TRIO: variants seen among roughly 807,000 people sequenced by gnomAD.
TRIO encodes the protein trio Rho guanine nucleotide exchange factor.
A neutral mutation model predicts 351.9 loss-of-function variants in TRIO; 58 were observed. The ratio of observed to expected loss-of-function variants is 0.16; its 90% CI spans 0.13 to 0.21. The LOEUF is 0.21. TRIO is among the 10% of genes least tolerant of loss of function. The pLI, the probability that TRIO is intolerant of heterozygous loss-of-function variation, is 1.00. For synonymous variants in TRIO, 1,758 were observed against 1,595.7 expected (o/e 1.10, Z -2.42); for missense variants, 3,201 against 4,027.8 (o/e 0.79, Z 5.56).
At chr5:14,350,872 G>A (rs1743021257) in intron 11 of TRIO, among the ~76,000 whole-genome samples, 1 of 152,108 alleles carries the variant, frequency 6.6e-6, no homozygotes. Context: ...CGGTGTTGGT[G>A]GGGGCAGGGA....
intron 21 of TRIO, among the ~76,000 whole-genome samples, chr5:14,383,929 A>G (rs544696667): frequency 1.3e-5 from 2 of 152,300 alleles, no homozygotes; most frequent in East Asian, 1.9e-4. Context: ...ACTTGTTACA[A>G]TGTTATAACA....
At chr5:14,172,775 CAT>C (rs1789176432) in intron 1 of TRIO, among the ~76,000 whole-genome samples, 2 of 152,306 alleles carry the variant, frequency 1.3e-5, no homozygotes, top group East Asian at 1.9e-4. Flanking sequence ...CTTTACGGAA[CAT>C]ATTTTTTGGA....
intron 9 of TRIO, among the ~76,000 whole-genome samples, chr5:14,323,083 C>T (rs1258024877): frequency 2.0e-5 from 3 of 152,096 alleles, no homozygotes; most frequent in African/African-American, 7.2e-5. Flanking sequence ...AGGGCTGGCT[C>T]CCTCCCACAC....
chr5:14,443,164 A>G (rs531716137), intron 34 of TRIO, among the ~76,000 whole-genome samples: 60 of 152,156 alleles, frequency 3.9e-4, no homozygotes, highest in African/African-American at 1.4e-3. Flanking sequence ...TAATTCTTAA[A>G]CTATTAAGAA....
intron 34 of TRIO, among the ~76,000 whole-genome samples, chr5:14,427,969 A>G (rs1750789402): frequency 1.3e-5 from 2 of 152,204 alleles, no homozygotes; most frequent in South Asian, 2.1e-4. Context: ...CTACCTTTGC[A>G]GAAGCCTCTG....
chr5:14,483,377 A>T lies in TRIO; in HGVS notation c.6657+604A>T, dbSNP rs529369932. 2.0e-5 allele frequency among the ~76,000 whole-genome samples: 3 copies of T among 152,290 alleles called. No individual in the cohort carries two copies. In the South Asian group the frequency reaches 6.2e-4, roughly 32 times the overall value. On this transcript the variant is annotated intron_variant, in intron 46 of 56. Transcript: ENST00000344204. ...GGTCCCAGCAGATGACTCCTGGGAGATACATGCCCCCGCCAGGGTCCTCCT... is the reference window on the plus strand; with the variant it reads ...GGTCCCAGCAGATGACTCCTGGGAGTTACATGCCCCCGCCAGGGTCCTCCT...
At chr5:14,304,660 G>GAA in intron 8 of TRIO, 68 bp downstream of exon 8, 11 of 1,427,132 alleles carry the variant, frequency 7.7e-6, no homozygotes, top group Admixed American at 2.4e-5. Context: ...CCGGAAGCTA[G>GAA]AAAAAAAAAA....
chr5:14,176,722 C>T (rs1485491534), intron 1 of TRIO, among the ~76,000 whole-genome samples: 2 of 152,140 alleles, frequency 1.3e-5, no homozygotes, highest in Non-Finnish European at 2.9e-5. Context: ...GGATTAGAGG[C>T]GGGAGCCACC....
intron 1 of TRIO, among the ~76,000 whole-genome samples, chr5:14,264,415 G>C (rs1361743788): frequency 6.6e-6 from 1 of 152,078 alleles, no homozygotes; most frequent in East Asian, 1.9e-4. Context: ...TTGTAATGCT[G>C]TATTATGAAA....
chr5:14,488,325 C>A (rs1467453504), intron 48 of TRIO, 65 bp downstream of exon 48: 6 of 1,502,286 alleles, frequency 4.0e-6, no homozygotes, highest in Non-Finnish European at 5.3e-6. Flanking sequence ...CTCTAAACGC[C>A]ACCGCGGCTG....
rs75978647 is a variant in TRIO, at chr5:14,413,983, A to G, written c.4960-5795A>G. Reference sequence around the variant, plus strand: ...TTAGATCTCAGATCATTGTCCCTCCATGAAAGACAAAAAGAGGTATTTCAA... The same window carrying G: ...TTAGATCTCAGATCATTGTCCCTCCGTGAAAGACAAAAAGAGGTATTTCAA... On this transcript the variant is annotated intron_variant, in intron 33 of 56. Transcript: ENST00000344204. 6.4e-3 allele frequency among the ~76,000 whole-genome samples: 970 copies of G among 152,330 alleles called. 7 individuals carry two copies. Among genetic ancestry groups the G allele is most frequent in the Admixed American group, 0.011 (163 of 15,304 alleles).
At chr5:14,412,207 C>T (rs369787837) in intron 33 of TRIO, among the ~76,000 whole-genome samples, 3 of 152,046 alleles carry the variant, frequency 2.0e-5, no homozygotes, top group African/African-American at 4.8e-5. Context: ...AGGCTGGTCT[C>T]GAACTCCTGA....
intron 31 of TRIO, among the ~76,000 whole-genome samples, chr5:14,403,351 T>TGTGGTG (rs574811627): frequency 4.2e-5 from 1 of 23,858 alleles, no homozygotes; most frequent in African/African-American, 2.7e-4. Context: ...GGGTGCAGCT[T>TGTGGTG]GTGAGGGTGC....
chr5:14,248,281 CA>C (rs1794550067), intron 1 of TRIO, among the ~76,000 whole-genome samples: 1 of 152,102 alleles, frequency 6.6e-6, no homozygotes, highest in Non-Finnish European at 1.5e-5. Flanking sequence ...TAAAAAATTA[CA>C]AATGGAATGT....
chr5:14,204,325 T>C (rs1429468328), intron 1 of TRIO, among the ~76,000 whole-genome samples: 1 of 152,158 alleles, frequency 6.6e-6, no homozygotes, highest in Non-Finnish European at 1.5e-5. Flanking sequence ...GCCAGCCTCA[T>C]GGATGCCAGA....
chr5:14,468,501 T>G (rs991292021), intron 37 of TRIO, among the ~76,000 whole-genome samples: 2 of 152,262 alleles, frequency 1.3e-5, no homozygotes, highest in African/African-American at 4.8e-5. Context: ...TCATCCCTTC[T>G]TCATTCTGCC....
rs555441245 is a variant in TRIO, at chr5:14,319,841, A to G, written c.1731+3098A>G. ...ACAGAGGGAGTTTGGTTTGTAAAAC[A>G]TGGTTAATTTTGGTTTCGAGGTTAA... On this transcript the variant is annotated intron_variant, in intron 9 of 56. Transcript: ENST00000344204. Among the ~76,000 whole-genome samples, 5 of 152,310 alleles carry G rather than the reference A, an allele frequency of 3.3e-5. No homozygotes were observed. The South Asian group carries it at 1.0e-3, about 32-fold the overall frequency.
At chr5:14,413,345 CT>C (rs1295046159) in intron 33 of TRIO, among the ~76,000 whole-genome samples, 1 of 152,226 alleles carries the variant, frequency 6.6e-6, no homozygotes, top group Non-Finnish European at 1.5e-5. Context: ...GCTGTTCCGT[CT>C]TTCATCCTAG....
chr5:14,314,049 A>T (rs165084), intron 8 of TRIO, among the ~76,000 whole-genome samples: 6,888 of 152,280 alleles, frequency 0.045, 550 homozygotes, highest in African/African-American at 0.16. Flanking sequence ...TCCAACAGTA[A>T]TGCAAGGAGT....
Sources: gnomAD v4.1 joint callset for allele counts (sites outside exome capture counted in the v4.1 genomes callset) on GRCh38, gnomAD v4.1.1 for gene constraint, MANE v1.5 for transcripts, NCBI Gene and HGNC (gene_info 2026-07-23, HGNC 2026-07-21) for gene names.